The following THSD7A variants were observed in gnomAD, a reference collection of about 807,000 sequenced individuals.
The protein encoded by THSD7A is thrombospondin type-1 domain-containing protein 7A.
THSD7A carries 96 observed loss-of-function variants against 231.3 expected under a neutral mutation model. The observed-to-expected ratio is 0.41, with a 90% confidence interval of 0.35 to 0.49. The LOEUF (loss-of-function observed/expected upper bound fraction) is 0.49, where lower values mean the gene tolerates loss of function less well. THSD7A is among the 20% of genes least tolerant of loss of function. The pLI is 0.05. For missense variants in THSD7A, 2,290 were observed against 2,070.2 expected (o/e 1.11, Z -2.06); for synonymous variants, 940 against 743.3 (o/e 1.26, Z -4.30).
intron 19 of THSD7A, 114 bp from the exon 20 acceptor site, chr7:11,407,537 T>A: frequency 1.4e-6 from 1 of 718,940 alleles, no homozygotes; most frequent in Non-Finnish European, 2.3e-6. Flanking sequence ...CATAAGAGAA[T>A]AAAATGTTAC....
chr7:11,529,499 G>A (rs1293608652), intron 6 of THSD7A, among the ~76,000 whole-genome samples: 2 of 152,070 alleles, frequency 1.3e-5, no homozygotes, highest in East Asian at 1.9e-4. Context: ...CCAGGTGGGA[G>A]GTATTTACAT....
At chr7:11,569,461 T>C (rs1042869957) in intron 4 of THSD7A, among the ~76,000 whole-genome samples, 4 of 152,000 alleles carry the variant, frequency 2.6e-5, no homozygotes, top group Non-Finnish European at 5.9e-5. Flanking sequence ...GTAACGCAAA[T>C]CAAAATCACA....
chr7:11,694,091 GT>G (rs1780316648), intron 1 of THSD7A, among the ~76,000 whole-genome samples: 1 of 151,490 alleles, frequency 6.6e-6, no homozygotes, highest in African/African-American at 2.4e-5. Flanking sequence ...TAGTAAAGGA[GT>G]TTGGTCACTC....
At chr7:11,822,357 A>C (rs1307328877) in intron 1 of THSD7A, among the ~76,000 whole-genome samples, 1 of 152,088 alleles carries the variant, frequency 6.6e-6, no homozygotes, top group Non-Finnish European at 1.5e-5. Context: ...TTCTATCCAC[A>C]TTGCTGCCAA....
chr7:11,630,606 A>G, intron 2 of THSD7A, among the ~76,000 whole-genome samples: 1 of 152,154 alleles, frequency 6.6e-6, no homozygotes, highest in Non-Finnish European at 1.5e-5. Context: ...ATCTGTTTAA[A>G]ATCCTAAATC....
chr7:11,613,476 A>T (rs1186268681), intron 2 of THSD7A, among the ~76,000 whole-genome samples: 1 of 152,134 alleles, frequency 6.6e-6, no homozygotes, highest in Middle Eastern at 3.2e-3. Context: ...TGGGGCTTTC[A>T]GGTTGTTGTG....
chr7:11,452,741 T>A (rs1054066032), intron 11 of THSD7A, among the ~76,000 whole-genome samples: 1 of 151,914 alleles, frequency 6.6e-6, no homozygotes, highest in African/African-American at 2.4e-5. Context: ...ATGGCAAATG[T>A]TAATAAGCAT....
At chr7:11,727,366 T>C (rs934231723) in intron 1 of THSD7A, among the ~76,000 whole-genome samples, 3 of 151,942 alleles carry the variant, frequency 2.0e-5, no homozygotes, top group African/African-American at 4.8e-5. Context: ...ATCCCCCTTC[T>C]TGATCCCTTT....
intron 4 of THSD7A, among the ~76,000 whole-genome samples, chr7:11,588,340 T>G (rs1342932374): frequency 2.0e-5 from 3 of 152,144 alleles, no homozygotes; most frequent in African/African-American, 7.2e-5. Context: ...AAATGCTACA[T>G]TTTTAGGGAG....
intron 1 of THSD7A, among the ~76,000 whole-genome samples, chr7:11,769,122 A>AATATATATAT (rs1219135740): frequency 3.6e-4 from 13 of 35,884 alleles, no homozygotes; most frequent in East Asian, 6.2e-4. Context: ...AATTCCTGGC[A>AATATATATAT]ATATATATAT....
intron 6 of THSD7A, among the ~76,000 whole-genome samples, chr7:11,521,402 T>C (rs1453894555): frequency 3.9e-5 from 6 of 152,002 alleles, no homozygotes; most frequent in South Asian, 2.1e-4. Context: ...ATTTCTAATA[T>C]AGAACTCTCT....
chr7:11,702,160 A>G (rs1487067221), intron 1 of THSD7A, among the ~76,000 whole-genome samples: 5 of 151,222 alleles, frequency 3.3e-5, no homozygotes, highest in African/African-American at 4.8e-5. Flanking sequence ...ACCAGAAAAA[A>G]GGGTTAAAAC....
At chr7:11,521,462 T>TAAAAG (rs1409273254) in intron 6 of THSD7A, among the ~76,000 whole-genome samples, 25 of 142,516 alleles carry the variant, frequency 1.8e-4, no homozygotes, top group South Asian at 4.3e-4. Context: ...GCCACATTCT[T>TAAAAG]TTTTATTTTT....
At position 11,446,801 on chromosome 7, in the gene THSD7A, T is replaced by C. The variant is rs189442529; in HGVS notation, c.2800+429A>G. On this transcript the variant is annotated intron_variant, in intron 12 of 27. Transcript: ENST00000423059. The surrounding 1 kb of genome is among the most constrained non-coding windows in gnomAD (Gnocchi z 4.0). ...TCATTATATTCATGCTGTTAGTCAT[T>C]ACTATGGTTTAAAATACAATTTTCA... is the stretch of plus-strand genomic sequence containing the variant. Among the ~76,000 whole-genome samples the C allele has an allele frequency of 2.6e-5, 4 of 152,264 alleles. No homozygotes were observed. The East Asian group carries it at 7.7e-4, about 29-fold the overall frequency.
intron 13 of THSD7A, among the ~76,000 whole-genome samples, chr7:11,433,990 T>C (rs1361318717): frequency 6.6e-6 from 1 of 151,998 alleles, no homozygotes; most frequent in Non-Finnish European, 1.5e-5. Flanking sequence ...GCCTAGCATA[T>C]CAATTTTATT....
intron 1 of THSD7A, among the ~76,000 whole-genome samples, chr7:11,742,687 T>G (rs1358591640): frequency 6.6e-6 from 1 of 151,930 alleles, no homozygotes; most frequent in Non-Finnish European, 1.5e-5. Context: ...GCCAAGAGAC[T>G]GGGAGGTTGC....
intron 2 of THSD7A, among the ~76,000 whole-genome samples, chr7:11,619,402 CTT>C (rs10706554): frequency 7.8e-4 from 100 of 127,632 alleles, no homozygotes; most frequent in Middle Eastern, 4.1e-3. Context: ...TCTTACTGTA[CTT>C]TTTTTTTTTT....
At chr7:11,400,091 C>T (rs932850847) in intron 23 of THSD7A, among the ~76,000 whole-genome samples, 8 of 147,360 alleles carry the variant, frequency 5.4e-5, no homozygotes, top group African/African-American at 2.0e-4. Flanking sequence ...TGTTCTCACT[C>T]ATAGGTGGGA....
chr7:11,473,163 C>A (rs35507856), intron 8 of THSD7A, among the ~76,000 whole-genome samples: 28,683 of 152,068 alleles, frequency 0.19, 3,150 homozygotes, highest in South Asian at 0.31. Context: ...AATTGTGGGG[C>A]AAAATATCCC....
Sources: allele counts gnomAD v4.1 joint callset (sites outside exome capture counted in the v4.1 genomes callset), GRCh38; gene constraint gnomAD v4.1.1; non-coding constraint Gnocchi (gnomAD v3.1); transcripts MANE v1.5; gene names NCBI Gene and HGNC (gene_info 2026-07-23, HGNC 2026-07-21).